The following RYR2 variants were observed in gnomAD, a reference collection of about 807,000 sequenced individuals.
RYR2 encodes cardiac muscle ryanodine receptor-calcium release channel.
Under a neutral mutation model 601.1 loss-of-function variants are expected in RYR2, and 227 were observed. The observed-to-expected ratio is 0.38, with a 90% CI of 0.34 to 0.42. The LOEUF is 0.42. Ranked by LOEUF, RYR2 falls within the 10% of genes least tolerant of loss-of-function variation. RYR2 has a pLI of 1.00. For missense variants in RYR2, 4,646 were observed against 6,156.5 expected (o/e 0.75, Z 8.21); for synonymous variants, 2,223 against 2,175.1 (o/e 1.02, Z -0.61).
chr1:237,694,077 A>G (rs1036979867), intron 63 of RYR2, among the ~76,000 whole-genome samples: 9 of 151,766 alleles, frequency 5.9e-5, no homozygotes, highest in Non-Finnish European at 1.0e-4. Flanking sequence ...GGCGGATCAC[A>G]AGGTCAGGGG....
At chr1:237,732,199 C>A in intron 78 of RYR2, 50 bp downstream of exon 78, 1 of 1,090,466 alleles carries the variant, frequency 9.2e-7, no homozygotes, top group Non-Finnish European at 1.4e-6. Flanking sequence ...AATAAAGACA[C>A]CCGTGTCTGA....
chr1:237,831,380 T>C (rs1295023148), intron 103 of RYR2, 134 bp from the exon 104 acceptor site: 1 of 581,994 alleles, frequency 1.7e-6, no homozygotes, highest in Non-Finnish European at 3.0e-6. Context: ...CACTAATTTT[T>C]CCAAAAATTT....
At chr1:237,111,047 C>T (rs936529330) in intron 1 of RYR2, among the ~76,000 whole-genome samples, 2 of 152,186 alleles carry the variant, frequency 1.3e-5, no homozygotes, top group African/African-American at 4.8e-5. Context: ...CTAGCTTCAA[C>T]ATCCTTCTGA....
At chr1:237,532,400 C>A (rs1217813935) in intron 25 of RYR2, among the ~76,000 whole-genome samples, 1 of 151,972 alleles carries the variant, frequency 6.6e-6, no homozygotes, top group Non-Finnish European at 1.5e-5. Flanking sequence ...TATGAAAAAT[C>A]ATATTTAATG....
At chr1:237,044,996 A>T (rs1042996808) in intron 1 of RYR2, among the ~76,000 whole-genome samples, 1 of 149,152 alleles carries the variant, frequency 6.7e-6, no homozygotes, top group Non-Finnish European at 1.5e-5. Context: ...AAGGAGTATT[A>T]GGAATCTGTA....
intron 3 of RYR2, among the ~76,000 whole-genome samples, chr1:237,343,830 T>G (rs1044246918): frequency 1.3e-3 from 202 of 151,762 alleles, no homozygotes; most frequent in Non-Finnish European, 2.6e-3. Context: ...TGTTTTTTTT[T>G]TTTTTTTGAG....
chr1:237,792,376 T>TGCGC, intron 94 of RYR2, 53 bp downstream of exon 94: 1 of 771,586 alleles, frequency 1.3e-6, no homozygotes, highest in Non-Finnish European at 1.9e-6. Context: ...TGTGTGTGTG[T>TGCGC]GTGTGCGTGT....
chr1:237,355,658 G>A (rs534752753), intron 3 of RYR2, among the ~76,000 whole-genome samples: 8 of 152,070 alleles, frequency 5.3e-5, no homozygotes, highest in African/African-American at 1.7e-4. Context: ...GGCCTATTAC[G>A]TTTGAGAATT....
At chr1:237,375,924 G>T (rs893207045) in intron 7 of RYR2, among the ~76,000 whole-genome samples, 3 of 152,112 alleles carry the variant, frequency 2.0e-5, no homozygotes, top group Admixed American at 1.3e-4. Context: ...TTCTCCCTGC[G>T]TCCTGATTTC....
chr1:237,146,523 G>T (rs938387743), intron 1 of RYR2, among the ~76,000 whole-genome samples: 2 of 152,172 alleles, frequency 1.3e-5, no homozygotes, highest in African/African-American at 4.8e-5. Context: ...AATTCCCACT[G>T]CTTTGCAGGA....
chr1:237,510,290 G>A (rs143900622), intron 23 of RYR2, among the ~76,000 whole-genome samples: 121 of 152,214 alleles, frequency 7.9e-4, no homozygotes, highest in Non-Finnish European at 1.4e-3. Flanking sequence ...GGGAATCTGC[G>A]CAGATTTCTG....
chr1:237,114,748 G>A (rs1338616752), intron 1 of RYR2, among the ~76,000 whole-genome samples: 4 of 152,174 alleles, frequency 2.6e-5, no homozygotes, highest in African/African-American at 9.6e-5. Flanking sequence ...TCACATCCCA[G>A]CCCTACCACC....
At chr1:237,051,371 G>A (rs1661267077) in intron 1 of RYR2, among the ~76,000 whole-genome samples, 1 of 143,242 alleles carries the variant, frequency 7.0e-6, no homozygotes, top group Non-Finnish European at 1.5e-5. Flanking sequence ...TCTCTCCTCG[G>A]GGCTCATGAG....
intron 53 of RYR2, among the ~76,000 whole-genome samples, chr1:237,656,370 C>T (rs939197314): frequency 1.3e-5 from 2 of 152,106 alleles, no homozygotes; most frequent in Admixed American, 6.6e-5. Context: ...GCTGTTTCTG[C>T]GAGTAGCAAG....
intron 21 of RYR2, 94 bp downstream of exon 21, chr1:237,500,997 ATTGT>A (rs1664577858): frequency 1.7e-6 from 2 of 1,211,018 alleles, no homozygotes; most frequent in Non-Finnish European, 2.4e-6. Context: ...TTCTCTAACC[ATTGT>A]TTGTCTCTCC....
At chr1:237,343,821 G>GTT (rs201175386) in intron 3 of RYR2, among the ~76,000 whole-genome samples, 217 of 131,500 alleles carry the variant, frequency 1.7e-3, no homozygotes, top group African/African-American at 5.2e-3. Flanking sequence ...GAGGTTTTTT[G>GTT]TTTTTTTTTT....
intron 1 of RYR2, among the ~76,000 whole-genome samples, chr1:237,103,923 T>C (rs1668394081): frequency 2.0e-5 from 3 of 150,680 alleles, no homozygotes; most frequent in Admixed American, 2.0e-4. Context: ...TTGGTTTCTG[T>C]CATTTGCAAC....
intron 17 of RYR2, among the ~76,000 whole-genome samples, chr1:237,478,296 T>C (rs906241462): frequency 1.3e-5 from 2 of 152,228 alleles, no homozygotes; most frequent in Admixed American, 6.5e-5. Context: ...ACCGTTTATA[T>C]AATAGCTGTA....
intron 29 of RYR2, among the ~76,000 whole-genome samples, chr1:237,576,862 G>A (rs1337344442): frequency 1.3e-5 from 2 of 152,158 alleles, no homozygotes; most frequent in Non-Finnish European, 2.9e-5. Context: ...AACGTGTGAA[G>A]AGATGTTCAG....
Sources: allele counts gnomAD v4.1 joint callset (sites outside exome capture counted in the v4.1 genomes callset), GRCh38; gene constraint gnomAD v4.1.1; transcripts MANE v1.5; gene names NCBI Gene and HGNC (gene_info 2026-07-23, HGNC 2026-07-21).